The following S100A11 variants were observed in gnomAD, a reference collection of about 807,000 sequenced individuals.
S100A11 encodes the protein protein S100-A11.
Under a neutral mutation model 7.4 loss-of-function variants are expected in S100A11, and 5 were observed. The observed-to-expected ratio is 0.68, with a 90% CI of 0.35 to 1.42. S100A11 has a LOEUF of 1.42. Among genes scored for constraint, S100A11 ranks in the 40% most tolerant of loss-of-function variants. The probability of loss-of-function intolerance (pLI) is 0.04; values close to 1 mark genes in which losing one functional copy is unlikely to be tolerated. For missense variants in S100A11, 96 were observed against 125.0 expected (o/e 0.77, Z 1.11); for synonymous variants, 47 against 46.6 (o/e 1.01, Z -0.04).
chr1:152,034,081 C>T (rs1044060280), intron 1 of S100A11, among the ~76,000 whole-genome samples: 12 of 152,134 alleles, frequency 7.9e-5, no homozygotes, highest in African/African-American at 2.2e-4. Context: ...ATGAGAGTGA[C>T]GGTGACAAGG....
Position 152,033,576 on chromosome 1 carries a change from C to T in S100A11, c.156+72G>A. Reference sequence around the variant, plus strand: ...GGTGTCAGTTGCTGCTCCTTCATTCCTGGCCATTCTGCCAGGGTCTTGTTT... The same window carrying T: ...GGTGTCAGTTGCTGCTCCTTCATTCTTGGCCATTCTGCCAGGGTCTTGTTT... On this transcript the variant is annotated intron_variant, in intron 2 of 2. Coordinates refer to ENST00000271638, the MANE Select transcript of S100A11 (RefSeq NM_005620.2). This position sits in a 1 kb window ranked among gnomAD's most constrained non-coding sequence, Gnocchi z 4.0. The T allele has an allele frequency of 1.4e-6, 2 of 1,457,738 alleles. No individual in the cohort carries two copies. Among genetic ancestry groups the T allele is most frequent in the Non-Finnish European group, 9.6e-7 (1 of 1,045,142 alleles). The allele number at this position is 1,457,738 out of a possible 1,614,324, so 90.3% of individuals were successfully genotyped here.
rs188191232 is a variant in S100A11, at chr1:152,036,620, C to A, written c.3+293G>T. Among the ~76,000 whole-genome samples the A allele has an allele frequency of 2.4e-4, 37 of 152,180 alleles. 1 individual carries two copies. The East Asian group carries it at 7.2e-3, about 30-fold the overall frequency. ...AGGCAGTGACCCACGACGGGTCCCC[C>A]CCCCGCGCGGTGAGCGGCCAGCACT... is the stretch of plus-strand genomic sequence containing the variant. On this transcript the variant is annotated intron_variant, in intron 1 of 2. Coordinates refer to ENST00000271638, the MANE Select transcript of S100A11 (RefSeq NM_005620.2).
Position 152,036,963 on chromosome 1 carries a change from A to C in S100A11, c.-48T>G, listed in dbSNP as rs745398370. The C allele has an allele frequency of 3.1e-6, 5 of 1,611,980 alleles. No individual in the cohort carries two copies. The East Asian group carries it at 1.1e-4, about 36-fold the overall frequency. On this transcript the variant is annotated 5_prime_UTR_variant, in exon 1 of 3. Coordinates refer to ENST00000271638, the MANE Select transcript of S100A11 (RefSeq NM_005620.2). ...GAGGCTGTGGCTGGGAGCGGCGCTG[A>C]GAGCTCTGTGCGCGCGGCGTGCGGG...
intron 1 of S100A11, among the ~76,000 whole-genome samples, chr1:152,036,358 T>C (rs1354203074): frequency 6.6e-6 from 1 of 152,206 alleles, no homozygotes; most frequent in Non-Finnish European, 1.5e-5. Flanking sequence ...TCCCACATTC[T>C]TGGCCGCGGC....
In S100A11 at chr1:152,033,560, T is replaced by A. The variant is rs1303993526; in HGVS notation, c.156+88A>T. On this transcript the variant is annotated intron_variant, in intron 2 of 2. Coordinates refer to ENST00000271638, the MANE Select transcript of S100A11 (RefSeq NM_005620.2). This position sits in a 1 kb window ranked among gnomAD's most constrained non-coding sequence, Gnocchi z 4.0. The stretch of plus-strand genomic sequence containing the variant: ...TGAAGCAAGAGTGTGGGGTGTCAGT[T>A]GCTGCTCCTTCATTCCTGGCCATTC... 7.8e-7 allele frequency: 1 copy of A among 1,274,432 alleles called. No individual in the cohort carries two copies. The highest frequency in any genetic ancestry group is 1.5e-5 in the African/African-American group (1 of 67,834). The allele number at this position is 1,274,432 out of a possible 1,614,324, so 78.9% of individuals were successfully genotyped here. A position where few individuals can be genotyped will look rare whatever the true frequency, so the allele number is the denominator to read the frequency against.
At position 152,036,893 on chromosome 1, in the gene S100A11, A is replaced by C. The variant is rs1410319106; in HGVS notation, c.3+20T>G. On this transcript the variant is annotated intron_variant, in intron 1 of 2. Coordinates refer to ENST00000271638, the MANE Select transcript of S100A11 (RefSeq NM_005620.2). ...TTTTTCTTTTCATGTAAGAAGAAGA[A>C]GAAGAAAAGTGAGGCTTACCATGTT... 2.5e-6 allele frequency: 4 copies of C among 1,605,938 alleles called. No individual in the cohort carries two copies. The highest frequency in any genetic ancestry group is 3.4e-6 in the Non-Finnish European group (4 of 1,172,798).
intron 1 of S100A11, among the ~76,000 whole-genome samples, chr1:152,034,309 A>T (rs985901579): frequency 6.6e-6 from 1 of 152,270 alleles, no homozygotes; most frequent in African/African-American, 2.4e-5. Flanking sequence ...CATAGCTATC[A>T]TTGTGTATGC....
At chr1:152,032,910 A>G in intron 2 of S100A11, 87 bp from the exon 3 acceptor site, 4 of 1,052,746 alleles carry the variant, frequency 3.8e-6, no homozygotes, top group South Asian at 2.8e-5. Context: ...TCACAGGAGT[A>G]TAAGGTACAG....
At position 152,033,678 on chromosome 1, in the gene S100A11, G is replaced by A; in HGVS notation, c.126C>T (p.Phe42=). 2.5e-6 allele frequency: 4 copies of A among 1,613,812 alleles called. No homozygotes were observed. Among genetic ancestry groups the A allele is most frequent in the Non-Finnish European group, 1.7e-6 (2 of 1,179,818 alleles). The change falls in exon 2 of 3, where the codon TTC becomes TTT. Residue 42 remains phenylalanine, a synonymous_variant. Transcript: ENST00000271638. This position sits in a 1 kb window ranked among gnomAD's most constrained non-coding sequence, Gnocchi z 4.0. ...YTLSKTEFLS[F]MNTELAAFTK... ...TGAAGGCAGCTAGTTCTGTATTCAT[G>A]AAGCTTAGGAACTCTGTCTTGGAGA...
chr1:152,034,446 T>C (rs1312390999), intron 1 of S100A11, among the ~76,000 whole-genome samples: 3 of 152,252 alleles, frequency 2.0e-5, no homozygotes, highest in Non-Finnish European at 2.9e-5. Context: ...AGCCCTGGAA[T>C]CTGGGCCTCC....
At chr1:152,036,621 C>CCCG (rs1656839634) in intron 1 of S100A11, among the ~76,000 whole-genome samples, 1 of 151,058 alleles carries the variant, frequency 6.6e-6, no homozygotes, top group African/African-American at 2.5e-5. Flanking sequence ...CGGGTCCCCC[C>CCCG]CCCGCGCGGT....
Position 152,036,898 on chromosome 1 carries a change from A to C in S100A11, c.3+15T>G, listed in dbSNP as rs775882899. 6.2e-7 allele frequency: 1 copy of C among 1,609,376 alleles called. No homozygotes were observed. The highest frequency in any genetic ancestry group is 8.5e-7 in the Non-Finnish European group (1 of 1,175,878). On this transcript the variant is annotated intron_variant, in intron 1 of 2. Coordinates refer to ENST00000271638, the MANE Select transcript of S100A11 (RefSeq NM_005620.2). ...CTTTTCATGTAAGAAGAAGAAGAAG[A>C]AAAGTGAGGCTTACCATGTTGGAGC... is the stretch of plus-strand genomic sequence containing the variant.
intron 1 of S100A11, among the ~76,000 whole-genome samples, chr1:152,034,861 G>A (rs968080923): frequency 6.6e-6 from 1 of 152,168 alleles, no homozygotes; most frequent in Non-Finnish European, 1.5e-5. Flanking sequence ...TTAGCCTTTC[G>A]TTTGTTCTTA....
chr1:152,033,790 G>A lies in S100A11; in HGVS notation c.14C>T (p.Ser5Phe), dbSNP rs116828313. The change falls in exon 2 of 3, where the codon TCC becomes TTC. Residue 5 changes from serine (S) to phenylalanine (F), a missense_variant. By Grantham distance (155) the Ser-to-Phe change is radical (BLOSUM62 -2). Coordinates refer to ENST00000271638, the MANE Select transcript of S100A11 (RefSeq NM_005620.2). This position sits in a 1 kb window ranked among gnomAD's most constrained non-coding sequence, Gnocchi z 4.0. MAKI[S>F]SPTETERCIE... is the part of the protein sequence containing the mutation. ...GCACCGCTCAGTCTCTGTAGGGCTGGAGATTTTTGCCTTTGGAGAAAAAAA... is the reference window on the plus strand; with the variant it reads ...GCACCGCTCAGTCTCTGTAGGGCTGAAGATTTTTGCCTTTGGAGAAAAAAA... 1.9e-3 allele frequency: 3,094 copies of A among 1,614,050 alleles called. 5 individuals are homozygous for A. The highest frequency in any genetic ancestry group is 2.2e-3 in the Non-Finnish European group (2,582 of 1,179,948).
At chr1:152,036,619 C>CCCA (rs976553061) in intron 1 of S100A11, among the ~76,000 whole-genome samples, 1 of 152,144 alleles carries the variant, frequency 6.6e-6, no homozygotes, top group African/African-American at 2.4e-5. Flanking sequence ...GACGGGTCCC[C>CCCA]CCCCCGCGCG....
intron 1 of S100A11, among the ~76,000 whole-genome samples, chr1:152,035,097 T>C (rs1656807656): frequency 6.6e-6 from 1 of 152,216 alleles, no homozygotes; most frequent in Admixed American, 6.5e-5. Context: ...AATCACATTG[T>C]TGGAGGATGA....
In S100A11 at chr1:152,033,662, C is replaced by G; in HGVS notation, c.142G>C (p.Ala48Pro). 1 of 1,613,508 alleles carries G rather than the reference C, an allele frequency of 6.2e-7. No individual in the cohort carries two copies. The highest frequency in any genetic ancestry group is 8.5e-7 in the Non-Finnish European group (1 of 1,179,796). The change falls in exon 2 of 3, where the codon GCT becomes CCT. Residue 48 changes from alanine to proline, a missense_variant. Transcript: ENST00000271638. This position sits in a 1 kb window ranked among gnomAD's most constrained non-coding sequence, Gnocchi z 4.0. Reference sequence around the variant, plus strand: ...GGGACCAGTACCTTTGTGAAGGCAGCTAGTTCTGTATTCATGAAGCTTAGG... The same window carrying G: ...GGGACCAGTACCTTTGTGAAGGCAGGTAGTTCTGTATTCATGAAGCTTAGG... The part of the protein sequence containing the change: ...EFLSFMNTEL[A>P]AFTKNQKDPG...
Position 152,036,882 on chromosome 1 carries a change from T to TAAG in S100A11, c.3+28_3+30dup, listed in dbSNP as rs111347692. ...TTTTTCTTTTCTTTTTCTTTTCATG[T>TAAG]AAGAAGAAGAAGAAGAAAAGTGAGG... is the stretch of plus-strand genomic sequence containing the variant. On this transcript the variant is annotated intron_variant, in intron 1 of 2. Transcript: ENST00000271638. 9.0e-4 allele frequency: 1,425 copies of TAAG among 1,581,100 alleles called. 11 individuals carry two copies. In the African/African-American group the frequency reaches 0.016, roughly 18 times the overall value.
In S100A11 at chr1:152,032,612, A is replaced by C. The variant is rs372210092; in HGVS notation, c.*50T>G. ...GGGTGGGCTGTGGAGATGATGACAG[A>C]AAGGCTGGAAGGAAAGGGGGTGGGT... On this transcript the variant is annotated 3_prime_UTR_variant, in exon 3 of 3. Transcript: ENST00000271638. The C allele has an allele frequency of 1.9e-5, 29 of 1,563,266 alleles. 1 individual carries two copies. In the African/African-American group the frequency reaches 3.8e-4, roughly 20 times the overall value.
Sources: allele counts gnomAD v4.1 joint callset (sites outside exome capture counted in the v4.1 genomes callset), GRCh38; gene constraint gnomAD v4.1.1; non-coding constraint Gnocchi (gnomAD v3.1); transcripts MANE v1.5; gene names NCBI Gene and HGNC (gene_info 2026-07-23, HGNC 2026-07-21).